Variants in POLR2F observed in about 807,000 individuals in gnomAD.
The protein encoded by POLR2F is RNA polymerase II, I and III subunit F.
Under a neutral mutation model 22.7 loss-of-function variants are expected in POLR2F, and 12 were observed. That is an observed-to-expected ratio of 0.53 (90% CI 0.34 to 0.86). The LOEUF (loss-of-function observed/expected upper bound fraction) is 0.86. Among genes scored for constraint, POLR2F ranks in the 40% least tolerant of loss-of-function variants. The pLI, the probability that POLR2F is intolerant of heterozygous loss-of-function variation, is 0.02. For missense variants in POLR2F, 126 were observed against 171.5 expected (o/e 0.73, Z 1.48); for synonymous variants, 57 against 66.0 (o/e 0.86, Z 0.66).
intron 1 of POLR2F, among the ~76,000 whole-genome samples, chr22:37,994,988 A>T (rs2084699863): frequency 6.6e-6 from 1 of 152,220 alleles, no homozygotes; most frequent in South Asian, 2.1e-4. Flanking sequence ...AAATTGAGAA[A>T]TCAGAGAGTT....
At chr22:37,973,535 T>C, downstream of POLR2F, 2 of 1,610,436 alleles carry the variant, frequency 1.2e-6, no homozygotes, top group South Asian at 1.1e-5. Flanking sequence ...CTGCTCCCAG[T>C]GTGTGGGGCT....
chr22:38,022,469 T>C (rs2084967879), intron 1 of POLR2F, among the ~76,000 whole-genome samples: 1 of 149,386 alleles, frequency 6.7e-6, no homozygotes, highest in African/African-American at 2.5e-5. Context: ...GAGAATTGCT[T>C]GAACCCAGGA....
rs1932582311 is a variant in POLR2F, at chr22:37,986,468, G to T, written c.120+156G>T. On this transcript the variant is annotated intron_variant, in intron 1 of 2. Transcript: ENST00000333418. The surrounding 1 kb of genome is among the most constrained non-coding windows in gnomAD (Gnocchi z 4.7). ...CCCAGAGTTAGGAGGTGGAATGTGG[G>T]GTCCCACAGCTGCCCCCTCTCTAAC... The T allele has an allele frequency of 1.3e-6, 2 of 1,482,972 alleles. No homozygotes were observed. Among genetic ancestry groups the T allele is most frequent in the East Asian group, 4.9e-5 (2 of 40,674 alleles). The allele number at this position is 1,482,972 out of a possible 1,614,324, so 91.9% of individuals were successfully genotyped here.
At chr22:37,962,380 G>A (rs1368787258) in intron 3 of POLR2F, among the ~76,000 whole-genome samples, 1 of 152,200 alleles carries the variant, frequency 6.6e-6, no homozygotes, top group Non-Finnish European at 1.5e-5. Flanking sequence ...TAGTCCTGTA[G>A]GGGTAAAGAT....
At chr22:37,958,187 CT>C (rs555979060) in intron 2 of POLR2F, among the ~76,000 whole-genome samples, 251 of 133,276 alleles carry the variant, frequency 1.9e-3, no homozygotes, top group South Asian at 7.6e-3. Context: ...TCAGAGTCAA[CT>C]TTTTTTTTTT....
At chr22:38,014,396 G>A (rs1479208889) in intron 1 of POLR2F, among the ~76,000 whole-genome samples, 1 of 150,466 alleles carries the variant, frequency 6.6e-6, no homozygotes, top group Non-Finnish European at 1.5e-5. Flanking sequence ...TTTTGCCCAG[G>A]CTGGAGTGCA....
intron 5 of POLR2F, among the ~76,000 whole-genome samples, chr22:38,038,708 G>A (rs2085140396): frequency 6.6e-6 from 1 of 151,968 alleles, no homozygotes; most frequent in Non-Finnish European, 1.5e-5. Flanking sequence ...CTCCCGCAGC[G>A]CCACAAAGGG....
intron 5 of POLR2F, among the ~76,000 whole-genome samples, chr22:38,033,806 C>T (rs546926532): frequency 3.5e-4 from 53 of 152,322 alleles, no homozygotes; most frequent in Admixed American, 1.7e-3. Flanking sequence ...CACTGACTGA[C>T]GACAGTGCCC....
intron 5 of POLR2F, chr22:38,034,267 C>T: frequency 6.0e-6 from 1 of 167,382 alleles, no homozygotes. Context: ...TCTCACTGGG[C>T]CTCGGGCCAC....
intron 1 of POLR2F, among the ~76,000 whole-genome samples, chr22:38,025,174 C>T (rs1304535926): frequency 6.6e-6 from 1 of 152,134 alleles, no homozygotes; most frequent in Non-Finnish European, 1.5e-5. Flanking sequence ...GGGCTTAGCT[C>T]AGTCTCCCTC....
chr22:37,957,330 A>G (rs907753109), intron 2 of POLR2F, among the ~76,000 whole-genome samples: 7 of 152,254 alleles, frequency 4.6e-5, no homozygotes, highest in Admixed American at 3.9e-4. Flanking sequence ...GGGAAGGGCA[A>G]GAGTGAAAGG....
chr22:38,011,947 CATTT>C (rs2084874924), intron 1 of POLR2F, among the ~76,000 whole-genome samples: 1 of 151,894 alleles, frequency 6.6e-6, no homozygotes, highest in Non-Finnish European at 1.5e-5. Flanking sequence ...CTTTCAGCAA[CATTT>C]ATTTATTTAA....
intron 1 of POLR2F, among the ~76,000 whole-genome samples, chr22:37,996,544 G>T (rs1486226835): frequency 1.3e-5 from 2 of 152,212 alleles, no homozygotes; most frequent in African/African-American, 4.8e-5. Context: ...GGGCCTTGAG[G>T]CAGGAGGGAT....
At chr22:38,002,824 C>T (rs2084785237) in intron 1 of POLR2F, among the ~76,000 whole-genome samples, 1 of 151,382 alleles carries the variant, frequency 6.6e-6, no homozygotes, top group Admixed American at 6.6e-5. Flanking sequence ...CTCCTGGGTT[C>T]ACGCCATTCT....
At chr22:38,014,719 G>T (rs182944568) in intron 1 of POLR2F, among the ~76,000 whole-genome samples, 7 of 151,264 alleles carry the variant, frequency 4.6e-5, no homozygotes, top group Non-Finnish European at 1.0e-4. Flanking sequence ...TCTTGACCTC[G>T]TGATCTATCT....
chr22:38,005,898 A>G (rs899100739), intron 1 of POLR2F, among the ~76,000 whole-genome samples: 1 of 152,202 alleles, frequency 6.6e-6, no homozygotes, highest in African/African-American at 2.4e-5. Context: ...ATTGTATGTT[A>G]CAGAAGTATT....
intron 2 of POLR2F, chr22:37,958,498 T>A (rs1038544305): frequency 1.3e-5 from 2 of 152,162 alleles, no homozygotes; most frequent in African/African-American, 4.8e-5. Context: ...CTGGCCTGTT[T>A]ACTTAATTCT....
Position 38,016,520 on chromosome 22 carries a change from G to A in POLR2F, c.121-9349G>A, listed in dbSNP as rs1481940566. On this transcript the variant is annotated intron_variant, in intron 1 of 2. Coordinates refer to the POLR2F transcript ENST00000333418. This position sits in a 1 kb window ranked among gnomAD's most constrained non-coding sequence, Gnocchi z 4.4. Reference sequence around the variant, plus strand: ...CCTCTGACCTTTCATAAATCAGAGGGGCTTAGGGGCGAGGGGGCTGCTTGG... The same window carrying A: ...CCTCTGACCTTTCATAAATCAGAGGAGCTTAGGGGCGAGGGGGCTGCTTGG... 1.3e-5 allele frequency among the ~76,000 whole-genome samples: 2 copies of A among 152,238 alleles called. No homozygotes were observed. Among genetic ancestry groups the A allele is most frequent in the African/African-American group, 4.8e-5 (2 of 41,452 alleles).
rs750851364 is a variant in POLR2F, at chr22:37,986,605, CCT to C, written c.120+303_120+304del. The C allele has an allele frequency of 3.5e-5, 24 of 690,694 alleles. No individual in the cohort carries two copies. The highest frequency in any genetic ancestry group is 1.4e-4 in the East Asian group (5 of 34,872). 42.8% of individuals were successfully genotyped at this position (690,694 alleles called of 1,614,324 possible). On this transcript the variant is annotated intron_variant, in intron 1 of 2. Coordinates refer to the POLR2F transcript ENST00000333418. This position sits in a 1 kb window ranked among gnomAD's most constrained non-coding sequence, Gnocchi z 4.7. ...CCACGCTAGACAGAAGGGGCCACTC[CCT>C]CTCTCTCTCCCTTGTCCCCGCACAG...
Sources: gnomAD v4.1 joint callset for allele counts (sites outside exome capture counted in the v4.1 genomes callset) on GRCh38, gnomAD v4.1.1 for gene constraint, Gnocchi (gnomAD v3.1) non-coding constraint, MANE v1.5 for transcripts, NCBI Gene and HGNC (gene_info 2026-07-23, HGNC 2026-07-21) for gene names.